NINL: variants seen among roughly 807,000 people sequenced by gnomAD.
NINL encodes ninein like.
NINL carries 153 observed loss-of-function variants against 160.3 expected under a neutral mutation model. The observed-to-expected ratio is 0.95, with a 90% CI of 0.84 to 1.09. The LOEUF is 1.09. Among genes scored for constraint, NINL ranks in the 50% least tolerant of loss-of-function variants. NINL has a pLI of 0.00. For missense variants in NINL, 1,829 were observed against 1,764.0 expected (o/e 1.04, Z -0.66); for synonymous variants, 800 against 734.8 (o/e 1.09, Z -1.43).
At position 25,476,870 on chromosome 20, in the gene NINL, C is replaced by T; in HGVS notation, c.2421G>A (p.Glu807=). 1.2e-6 allele frequency: 2 copies of T among 1,613,442 alleles called. No individual in the cohort carries two copies. The highest frequency in any genetic ancestry group is 1.7e-6 in the Non-Finnish European group (2 of 1,179,916). Residue 807 remains glutamate, a synonymous_variant, in exon 17 of 24, where the codon GAG becomes GAA. Coordinates refer to ENST00000278886, the MANE Select transcript of NINL (RefSeq NM_025176.6). The part of the protein sequence containing the change: ...QMCVSLALEE[E]ELELARGKRV... The stretch of plus-strand genomic sequence containing the variant: ...GCTTCCCGCGGGCAAGCTCCAACTC[C>T]TCCTCCTCGAGGGCCAACGATACGC...
intron 2 of NINL, among the ~76,000 whole-genome samples, chr20:25,520,384 A>G (rs2064241669): frequency 6.6e-6 from 1 of 152,210 alleles, no homozygotes; most frequent in Admixed American, 6.5e-5. Flanking sequence ...TTGCATGAGC[A>G]CACCTCTGTT....
At chr20:25,496,294 G>A (rs2063750942) in intron 10 of NINL, among the ~76,000 whole-genome samples, 2 of 152,224 alleles carry the variant, frequency 1.3e-5, no homozygotes, top group South Asian at 4.1e-4. Flanking sequence ...TACCTGCTGG[G>A]CCAAAAGGAA....
chr20:25,529,051 C>T (rs1169251234), intron 1 of NINL, among the ~76,000 whole-genome samples: 1 of 152,088 alleles, frequency 6.6e-6, no homozygotes, highest in Non-Finnish European at 1.5e-5. Flanking sequence ...TTCAGATCAA[C>T]TCCCCAATGG....
intron 1 of NINL, among the ~76,000 whole-genome samples, chr20:25,550,248 G>A (rs2147092822): frequency 6.6e-6 from 1 of 152,322 alleles, no homozygotes; most frequent in East Asian, 1.9e-4. Flanking sequence ...GGTGGCATGT[G>A]CCTGTATTCC....
At chr20:25,470,615 C>T (rs1292208069) in intron 17 of NINL, among the ~76,000 whole-genome samples, 6 of 152,178 alleles carry the variant, frequency 3.9e-5, no homozygotes, top group Admixed American at 1.3e-4. Context: ...CTGCCTGGGC[C>T]GTCTTTGTTC....
At chr20:25,561,085 G>A (rs1052934460) in intron 1 of NINL, among the ~76,000 whole-genome samples, 53 of 57,114 alleles carry the variant, frequency 9.3e-4, no homozygotes, top group Non-Finnish European at 6.7e-4. Context: ...CTCTCATGCC[G>A]AGCCGAAGCT....
chr20:25,464,737 C>T (rs1019199123), intron 19 of NINL, among the ~76,000 whole-genome samples: 4 of 152,312 alleles, frequency 2.6e-5, no homozygotes, highest in Non-Finnish European at 5.9e-5. Context: ...GCATCCTTCC[C>T]GGCACAGGAT....
chr20:25,505,159 T>A, intron 5 of NINL, 81 bp from the exon 6 acceptor site: 1 of 1,326,572 alleles, frequency 7.5e-7, no homozygotes, highest in Non-Finnish European at 1.0e-6. Flanking sequence ...AAGGACGTTC[T>A]GCCCTTTCCA....
At chr20:25,547,201 G>C (rs1021055234) in intron 1 of NINL, among the ~76,000 whole-genome samples, 2 of 152,138 alleles carry the variant, frequency 1.3e-5, no homozygotes, top group African/African-American at 4.8e-5. Context: ...ACTCTAGGAG[G>C]AAAGGGGCTG....
At chr20:25,545,117 T>G (rs2064716217) in intron 1 of NINL, among the ~76,000 whole-genome samples, 1 of 152,192 alleles carries the variant, frequency 6.6e-6, no homozygotes, top group South Asian at 2.1e-4. Flanking sequence ...GGTTTAGTAT[T>G]TACACATTCC....
intron 22 of NINL, among the ~76,000 whole-genome samples, chr20:25,456,158 A>C (rs1387987570): frequency 3.5e-5 from 5 of 142,238 alleles, no homozygotes; most frequent in African/African-American, 1.3e-4. Context: ...CAGGAGAATC[A>C]CTTGAACCCA....
At chr20:25,478,037 C>T (rs2063303935) in intron 16 of NINL, among the ~76,000 whole-genome samples, 1 of 151,760 alleles carries the variant, frequency 6.6e-6, no homozygotes, top group Non-Finnish European at 1.5e-5. Context: ...CAACCTCCGC[C>T]TCCTGAATTC....
rs202175033 is a variant in NINL at position 25,539,148 on chromosome 20, GCA to G, written c.-11-12552_-11-12551del. On this transcript the variant is annotated intron_variant, in intron 1 of 23. Coordinates refer to ENST00000278886, the MANE Select transcript of NINL (RefSeq NM_025176.6). The stretch of plus-strand genomic sequence containing the variant: ...CAATTTCCCTGCAGCACAGTTGTGT[GCA>G]CACTCACAGCATCAGCTGGGACAGC... Among the ~76,000 whole-genome samples the G allele has an allele frequency of 3.3e-5, 5 of 152,340 alleles. No homozygotes were observed. The East Asian group carries it at 9.6e-4, about 29-fold the overall frequency.
Position 25,482,100 on chromosome 20 carries a change from C to A in NINL, c.1678G>T (p.Asp560Tyr), listed in dbSNP as rs752185540. ...AGCTCATCGTTGCGGTCCTGCAGGT[C>A]CTGTGGGGACAGAGCCAGCCACCTC... is the stretch of plus-strand genomic sequence containing the variant. The part of the protein sequence containing the change: ...VLKEYELKCR[D>Y]LQDRNDELQA... Residue 560 changes from aspartate to tyrosine, a missense_variant and splice_region_variant, in exon 14 of 24, where the codon GAC (aspartate) becomes TAC (tyrosine). Physicochemically the swap from Asp to Tyr is radical, Grantham distance 160. Coordinates refer to ENST00000278886, the MANE Select transcript of NINL (RefSeq NM_025176.6). 1.9e-6 allele frequency: 3 copies of A among 1,594,896 alleles called. No homozygotes were observed. The highest frequency in any genetic ancestry group is 1.7e-5 in the Admixed American group (1 of 59,912).
At chr20:25,539,722 C>T (rs1376927909) in intron 1 of NINL, among the ~76,000 whole-genome samples, 1 of 152,208 alleles carries the variant, frequency 6.6e-6, no homozygotes, top group Non-Finnish European at 1.5e-5. Context: ...GGGAGAAAGC[C>T]GCCCTAACTC....
At chr20:25,575,913 T>C (rs545856391) in intron 1 of NINL, among the ~76,000 whole-genome samples, 1 of 152,284 alleles carries the variant, frequency 6.6e-6, no homozygotes, top group East Asian at 1.9e-4. Context: ...ATATCATCTA[T>C]CTACCCCTGC....
chr20:25,513,422 T>C (rs7266130), intron 3 of NINL, among the ~76,000 whole-genome samples: 15,192 of 152,198 alleles, frequency 0.1, 1,287 homozygotes, highest in African/African-American at 0.23. Flanking sequence ...TCAAGTGACA[T>C]TCCAGGCAGC....
chr20:25,492,871 T>C (rs771493790), intron 10 of NINL, among the ~76,000 whole-genome samples: 2 of 152,214 alleles, frequency 1.3e-5, no homozygotes, highest in Admixed American at 6.5e-5. Context: ...AATTGTACTT[T>C]CTAAAATGTG....
At chr20:25,472,324 G>GATAGATATATATAT (rs1555845880) in intron 17 of NINL, among the ~76,000 whole-genome samples, 2 of 83,982 alleles carry the variant, frequency 2.4e-5, no homozygotes, top group Non-Finnish European at 4.7e-5. Context: ...GGGAGGAGAG[G>GATAGATATATATAT]ATATATATAT....
Sources: allele counts gnomAD v4.1 joint callset (sites outside exome capture counted in the v4.1 genomes callset), GRCh38; gene constraint gnomAD v4.1.1; transcripts MANE v1.5; gene names NCBI Gene and HGNC (gene_info 2026-07-23, HGNC 2026-07-21).